The following MRPL1 variants were observed in gnomAD, a reference collection of about 807,000 sequenced individuals.
MRPL1 encodes the protein mitochondrial ribosomal protein L1, also known as large ribosomal subunit protein uL1m.
Under a neutral mutation model 38.0 loss-of-function variants are expected in MRPL1, and 28 were observed. That is an observed-to-expected ratio of 0.74 (90% CI 0.55 to 1.01). The LOEUF is 1.01. Ranked by LOEUF, MRPL1 falls within the 50% of genes least tolerant of loss-of-function variation. The probability of loss-of-function intolerance (pLI) is 0.00; values close to 1 mark genes in which losing one functional copy is unlikely to be tolerated. For synonymous variants in MRPL1, 123 were observed against 126.7 expected, an observed-to-expected ratio of 0.97 and a Z score of 0.20; for missense variants, 358 against 389.8, an observed-to-expected ratio of 0.92 and a Z score of 0.69.
chr4:77,916,235 A>G (rs1165956490), intron 7 of MRPL1, among the ~76,000 whole-genome samples: 2 of 152,258 alleles, frequency 1.3e-5, no homozygotes, highest in Non-Finnish European at 2.9e-5. Flanking sequence ...TAATATAGTC[A>G]TAATTCTGCT....
At chr4:77,883,208 A>T (rs759650633) in intron 2 of MRPL1, 34 bp from the exon 3 acceptor site, 3 of 1,354,712 alleles carry the variant, frequency 2.2e-6, no homozygotes, top group Non-Finnish European at 2.0e-6. Context: ...CTTAGGATAT[A>T]TATTGATATA....
chr4:77,951,504 A>C (rs1166106352), intron 8 of MRPL1, among the ~76,000 whole-genome samples: 1 of 152,230 alleles, frequency 6.6e-6, no homozygotes, highest in Non-Finnish European at 1.5e-5. Flanking sequence ...TCCCCTTCTT[A>C]TAATTCAAAA....
Position 77,862,853 on chromosome 4 carries a change from C to A in MRPL1, c.5C>A (p.Ala2Glu). The part of the protein sequence containing the change: M[A>E]AAVRCMGRAL... ...ACGCAATCCGGAGTGCCCAACATGGCGGCGGCCGTAAGGTGCATGGGTAGA... is the reference window on the plus strand; with the variant it reads ...ACGCAATCCGGAGTGCCCAACATGGAGGCGGCCGTAAGGTGCATGGGTAGA... The change falls in exon 1 of 9, where the codon GCG becomes GAG. Residue 2 changes from alanine to glutamate, a missense_variant. Ala to Glu is a moderately radical substitution (Grantham distance 107, BLOSUM62 -1). Coordinates refer to ENST00000315567, the MANE Select transcript of MRPL1 (RefSeq NM_020236.4). 6.2e-7 allele frequency: 1 copy of A among 1,614,060 alleles called. No individual in the cohort carries two copies.
At chr4:77,904,163 C>T (rs1736101257) in intron 6 of MRPL1, among the ~76,000 whole-genome samples, 1 of 151,662 alleles carries the variant, frequency 6.6e-6, no homozygotes. Context: ...GGGAGGACTG[C>T]TCAAGCCCAG....
At chr4:77,868,051 T>C (rs1485046424) in intron 1 of MRPL1, among the ~76,000 whole-genome samples, 2 of 149,788 alleles carry the variant, frequency 1.3e-5, no homozygotes, top group Non-Finnish European at 1.5e-5. Flanking sequence ...CCACCGCGCC[T>C]GGCCAGTTAT....
At position 77,879,995 on chromosome 4, in the gene MRPL1, T is replaced by C. The variant is rs552920743; in HGVS notation, c.144-3247T>C. 6.6e-5 allele frequency among the ~76,000 whole-genome samples: 10 copies of C among 152,334 alleles called. 1 individual carries two copies. In the South Asian group the frequency reaches 2.1e-3, roughly 32 times the overall value. On this transcript the variant is annotated intron_variant, in intron 2 of 8. Transcript: ENST00000315567. ...ATGGAATTATACGTTGAATTGGTTT[T>C]TGAGGTCTTTTTTAAAAAACTGTTT...
chr4:77,898,013 G>A (rs1735957499), intron 6 of MRPL1, among the ~76,000 whole-genome samples: 1 of 152,142 alleles, frequency 6.6e-6, no homozygotes, highest in Non-Finnish European at 1.5e-5. Context: ...AGCCTTGGCA[G>A]CCTCCTTGAT....
chr4:77,907,208 A>G (rs1736176734), intron 6 of MRPL1: 3 of 973,318 alleles, frequency 3.1e-6, no homozygotes, highest in Non-Finnish European at 3.7e-6. Context: ...TTAAATTTTC[A>G]AGGTAAGTTA....
chr4:77,872,705 C>G (rs1287267429), intron 2 of MRPL1, among the ~76,000 whole-genome samples: 1 of 152,048 alleles, frequency 6.6e-6, no homozygotes, highest in East Asian at 1.9e-4. Context: ...TCTGCTGAAA[C>G]TACAAAAATT....
At chr4:77,930,311 G>A (rs768784840) in intron 7 of MRPL1, among the ~76,000 whole-genome samples, 1 of 152,188 alleles carries the variant, frequency 6.6e-6, no homozygotes, top group Non-Finnish European at 1.5e-5. Flanking sequence ...GGGCCTCACA[G>A]CAGGAGGTGA....
At chr4:77,885,189 TTA>T in intron 3 of MRPL1, 65 bp from the exon 4 acceptor site, 1 of 1,175,222 alleles carries the variant, frequency 8.5e-7, no homozygotes, top group Admixed American at 1.7e-5. Context: ...CGTTCTTGTT[TTA>T]TATAGAGTGT....
intron 7 of MRPL1, among the ~76,000 whole-genome samples, chr4:77,917,101 TTC>T (rs1249317745): frequency 6.6e-6 from 1 of 152,220 alleles, no homozygotes; most frequent in Non-Finnish European, 1.5e-5. Context: ...TACAGTGTTA[TTC>T]TCTTTTACCC....
intron 2 of MRPL1, among the ~76,000 whole-genome samples, chr4:77,878,178 G>A (rs1167090431): frequency 2.6e-5 from 4 of 152,118 alleles, no homozygotes; most frequent in Non-Finnish European, 4.4e-5. Context: ...GGTTATTTGC[G>A]TTCAGTCTCG....
At chr4:77,889,993 C>A (rs1735771283) in intron 5 of MRPL1, among the ~76,000 whole-genome samples, 1 of 152,088 alleles carries the variant, frequency 6.6e-6, no homozygotes, top group Non-Finnish European at 1.5e-5. Flanking sequence ...AATTAATAGC[C>A]TATCAACCAA....
At chr4:77,868,723 G>A (rs183394508) in intron 1 of MRPL1, among the ~76,000 whole-genome samples, 1 of 152,250 alleles carries the variant, frequency 6.6e-6, no homozygotes, top group African/African-American at 2.4e-5. Flanking sequence ...AAAGCAATAG[G>A]GGAAAATGTC....
rs548852819 is a variant in MRPL1, at chr4:77,866,345, C to G, written c.31+3466C>G. Among the ~76,000 whole-genome samples, 14 of 152,348 alleles carry G rather than the reference C, an allele frequency of 9.2e-5. No homozygotes were observed. In the South Asian group the frequency reaches 2.3e-3, roughly 25 times the overall value. On this transcript the variant is annotated intron_variant, in intron 1 of 8. Transcript: ENST00000315567. ...GGGATTACAGGCGTGAGCCACCACA[C>G]CCAGCCCAATTTTTTTACATTGATA...
chr4:77,900,859 C>T (rs1460315143), intron 6 of MRPL1, among the ~76,000 whole-genome samples: 1 of 152,058 alleles, frequency 6.6e-6, no homozygotes, highest in Non-Finnish European at 1.5e-5. Flanking sequence ...CAGAGACCAG[C>T]GAGGAGGCGA....
At chr4:77,892,072 A>T (rs918875959) in intron 5 of MRPL1, among the ~76,000 whole-genome samples, 1 of 151,830 alleles carries the variant, frequency 6.6e-6, no homozygotes, top group Non-Finnish European at 1.5e-5. Context: ...AAATTAGTTT[A>T]TCATTTTGCT....
At chr4:77,939,188 T>A (rs184391968) in intron 7 of MRPL1, among the ~76,000 whole-genome samples, 31 of 152,208 alleles carry the variant, frequency 2.0e-4, no homozygotes, top group Non-Finnish European at 4.1e-4. Flanking sequence ...ATTCCTGAGT[T>A]ACTTCACTTA....
Sources: allele counts gnomAD v4.1 joint callset (sites outside exome capture counted in the v4.1 genomes callset), GRCh38; gene constraint gnomAD v4.1.1; transcripts MANE v1.5; gene names NCBI Gene and HGNC (gene_info 2026-07-23, HGNC 2026-07-21).